Variants in LRRC4C observed in about 807,000 individuals in gnomAD.
LRRC4C encodes leucine rich repeat containing 4C, also known as leucine-rich repeat-containing protein 4C.
LRRC4C carries 5 observed loss-of-function variants against 33.6 expected under a neutral mutation model. The ratio of observed to expected loss-of-function variants is 0.15; its 90% CI spans 0.08 to 0.31. LRRC4C has a LOEUF of 0.31. Ranked by LOEUF, LRRC4C falls within the 10% of genes least tolerant of loss-of-function variation. LRRC4C has a pLI of 1.00. For missense variants in LRRC4C, 560 were observed against 796.7 expected (o/e 0.70, Z 3.58); for synonymous variants, 329 against 302.0 (o/e 1.09, Z -0.93).
At chr11:40,561,353 T>C (rs1957538225) in intron 3 of LRRC4C, among the ~76,000 whole-genome samples, 1 of 151,924 alleles carries the variant, frequency 6.6e-6, no homozygotes, top group South Asian at 2.1e-4. Context: ...TAGCTCATTA[T>C]CTACTGTCTA....
At chr11:41,452,056 C>T (rs1289652367) in intron 1 of LRRC4C, among the ~76,000 whole-genome samples, 1 of 152,088 alleles carries the variant, frequency 6.6e-6, no homozygotes, top group Non-Finnish European at 1.5e-5. Context: ...TCACTTCACA[C>T]ATATTTTTTA....
chr11:40,476,636 G>T lies in LRRC4C; in HGVS notation c.-269-156915C>A, dbSNP rs901356692. Among the ~76,000 whole-genome samples, 8 of 152,136 alleles carry T rather than the reference G, an allele frequency of 5.3e-5. No homozygotes were observed. In the East Asian group the frequency reaches 9.7e-4, roughly 18 times the overall value. On this transcript the variant is annotated intron_variant, in intron 3 of 6. Coordinates refer to ENST00000528697, the MANE Select transcript of LRRC4C (RefSeq NM_001258419.2). ...TGGGATTACAGGCGTAAGCCACCAC[G>T]CCCAGCCAAGTGCACAATTTTCTTA...
chr11:40,945,223 G>GGTTTCACTCT (rs11281880), intron 1 of LRRC4C, among the ~76,000 whole-genome samples: 148,213 of 150,682 alleles, frequency 0.98, 72,952 homozygotes, highest in East Asian at 1. Context: ...GTAGAGACGG[G>GGTTTCACTCT]GTTAACCTGG....
At chr11:40,432,306 C>T (rs1011659605) in intron 3 of LRRC4C, among the ~76,000 whole-genome samples, 1 of 152,090 alleles carries the variant, frequency 6.6e-6, no homozygotes, top group East Asian at 1.9e-4. Flanking sequence ...TTCTTGAAAT[C>T]CCCTCTGAAC....
chr11:41,175,172 A>G (rs1402892407), intron 1 of LRRC4C, among the ~76,000 whole-genome samples: 1 of 151,966 alleles, frequency 6.6e-6, no homozygotes, highest in African/African-American at 2.4e-5. Context: ...GATTCCTGCA[A>G]CTTCTCTCAG....
chr11:40,284,689 T>C (rs1943714675), intron 4 of LRRC4C, among the ~76,000 whole-genome samples: 1 of 152,152 alleles, frequency 6.6e-6, no homozygotes, highest in Non-Finnish European at 1.5e-5. Flanking sequence ...GTGAGTAGAT[T>C]GGATTTGATG....
chr11:40,964,226 AT>A (rs770890652), intron 1 of LRRC4C, among the ~76,000 whole-genome samples: 1 of 151,734 alleles, frequency 6.6e-6, no homozygotes, highest in Non-Finnish European at 1.5e-5. Flanking sequence ...TGTGTTAGAT[AT>A]TATTTTTATC....
chr11:40,746,400 A>G (rs571059160), intron 2 of LRRC4C, among the ~76,000 whole-genome samples: 2 of 152,176 alleles, frequency 1.3e-5, no homozygotes, highest in Admixed American at 6.5e-5. Context: ...AGCGAAGCAC[A>G]GGCTGCTGCT....
intron 3 of LRRC4C, among the ~76,000 whole-genome samples, chr11:40,592,027 C>G (rs1221673823): frequency 6.7e-6 from 1 of 148,620 alleles, no homozygotes; most frequent in Non-Finnish European, 1.5e-5. Flanking sequence ...TCATGAATCA[C>G]TATTCACTCA....
intron 2 of LRRC4C, among the ~76,000 whole-genome samples, chr11:40,690,431 G>A (rs1280927574): frequency 6.6e-6 from 1 of 152,006 alleles, no homozygotes; most frequent in Non-Finnish European, 1.5e-5. Context: ...AATGTAGCAA[G>A]GGTTCACCCA....
chr11:40,459,424 AG>A (rs1052011949), intron 3 of LRRC4C, among the ~76,000 whole-genome samples: 1 of 64,474 alleles, frequency 1.6e-5, no homozygotes, highest in African/African-American at 4.5e-5. Context: ...TCTCAGTCAG[AG>A]GGGAAAAATG....
At chr11:41,377,371 A>G (rs936344274) in intron 1 of LRRC4C, among the ~76,000 whole-genome samples, 2 of 152,200 alleles carry the variant, frequency 1.3e-5, no homozygotes, top group African/African-American at 4.8e-5. Context: ...AGACCAGTAC[A>G]AAATGTATTT....
intron 3 of LRRC4C, among the ~76,000 whole-genome samples, chr11:40,451,516 G>T (rs958620113): frequency 1.8e-4 from 28 of 151,550 alleles, no homozygotes; most frequent in Admixed American, 6.6e-4. Context: ...CTCCTGAGTA[G>T]CTGGGACTAC....
intron 3 of LRRC4C, among the ~76,000 whole-genome samples, chr11:40,420,362 C>A (rs1590678481): frequency 6.6e-6 from 1 of 152,198 alleles, no homozygotes; most frequent in African/African-American, 2.4e-5. Flanking sequence ...CTCAAGAACT[C>A]CCTGACAGCC....
Position 40,114,337 on chromosome 11 carries a change from TG to T in LRRC4C, c.*32del, listed in dbSNP as rs745493827. ...ATTTTTAATAAACTGTCTTTTTTTT[TG>T]ATTGTTTGTTTTTTGTAACTCTGTA... On this transcript the variant is annotated 3_prime_UTR_variant, in exon 7 of 7. Transcript: ENST00000528697. The T allele has an allele frequency of 4.1e-5, 63 of 1,524,278 alleles. No individual in the cohort carries two copies. Among genetic ancestry groups the T allele is most frequent in the Non-Finnish European group, 5.3e-5 (60 of 1,138,268 alleles). 94.4% of individuals were successfully genotyped at this position (1,524,278 alleles called of 1,614,324 possible).
intron 1 of LRRC4C, among the ~76,000 whole-genome samples, chr11:41,050,135 T>C (rs1565336058): frequency 6.6e-6 from 1 of 152,152 alleles, no homozygotes; most frequent in Non-Finnish European, 1.5e-5. Flanking sequence ...AAGGGGAGAA[T>C]ACAGTGTTTG....
Position 40,576,820 on chromosome 11 carries a change from G to A in LRRC4C, c.-270+71322C>T, listed in dbSNP as rs117104471. On this transcript the variant is annotated intron_variant, in intron 3 of 6. Transcript: ENST00000528697. ...ATCATTCTCCAGAGCAGAGGTCATAGCTTTTCATCTTTGTGGGTTTAGCAT... is the reference window on the plus strand; with the variant it reads ...ATCATTCTCCAGAGCAGAGGTCATAACTTTTCATCTTTGTGGGTTTAGCAT... Among the ~76,000 whole-genome samples the A allele has an allele frequency of 8.9e-4, 136 of 152,308 alleles. 1 individual carries two copies. The East Asian group carries it at 0.024, about 27-fold the overall frequency.
chr11:40,293,633 A>T (rs1944353647), intron 4 of LRRC4C: 1 of 152,394 alleles, frequency 6.6e-6, no homozygotes, highest in Non-Finnish European at 1.5e-5. Flanking sequence ...AAAAGAAGAA[A>T]AAAAGAAAAA....
rs547482828 is a variant in LRRC4C, at chr11:40,551,346, A to G, written c.-270+96796T>C. Among the ~76,000 whole-genome samples, 3 of 129,202 alleles carry G rather than the reference A, an allele frequency of 2.3e-5. No individual in the cohort carries two copies. In the East Asian group the frequency reaches 1.0e-3, roughly 45 times the overall value. The allele number at this position is 129,202 out of a possible 152,430, so 84.8% of individuals were successfully genotyped here. On this transcript the variant is annotated intron_variant, in intron 3 of 6. Transcript: ENST00000528697. ...GAGGTGGTTGCATGAGATCATTTCA[A>G]GGAATTTTTCCTGTTCCAATATTTC... is the stretch of plus-strand genomic sequence containing the variant.
Sources: gnomAD v4.1 joint callset for allele counts (sites outside exome capture counted in the v4.1 genomes callset) on GRCh38, gnomAD v4.1.1 for gene constraint, MANE v1.5 for transcripts, NCBI Gene and HGNC (gene_info 2026-07-23, HGNC 2026-07-21) for gene names.